ADGRG3: variants seen among roughly 807,000 people sequenced by gnomAD.
The protein encoded by ADGRG3 is G protein-coupled receptor 97.
ADGRG3 carries 39 observed loss-of-function variants against 54.3 expected under a neutral mutation model. The ratio of observed to expected loss-of-function variants is 0.72; its 90% CI spans 0.56 to 0.94. The LOEUF is 0.94. Ranked by LOEUF, ADGRG3 falls within the 40% of genes least tolerant of loss-of-function variation. The pLI is 0.00. For synonymous variants in ADGRG3, 312 were observed against 290.0 expected (o/e 1.08, Z -0.77); for missense variants, 654 against 694.6 (o/e 0.94, Z 0.66).
In ADGRG3 at chr16:57,676,302, T is replaced by G. The variant is rs536212021; in HGVS notation, c.309T>G (p.Thr103=). 3 of 1,614,094 alleles carry G rather than the reference T, an allele frequency of 1.9e-6. No homozygotes were observed. The highest frequency in any genetic ancestry group is 1.3e-5 in the African/African-American group (1 of 74,938). The change falls in exon 3 of 12, where the codon ACT becomes ACG. Residue 103 remains threonine, a synonymous_variant. Transcript: ENST00000333493. ...TGGTCCAGAACCTCAGCACCAACAC[T>G]GCAGAAGACTTCTATTTCTCTCTGG... ...KALVQNLSTN[T]AEDFYFSLEP... is the part of the protein sequence containing the mutation.
chr16:57,671,569 A>C (rs2148694292), intron 1 of ADGRG3, among the ~76,000 whole-genome samples: 1 of 152,198 alleles, frequency 6.6e-6, no homozygotes, highest in African/African-American at 2.4e-5. Flanking sequence ...TCCTGACCTC[A>C]GGTGATCCAC....
In ADGRG3 at chr16:57,680,584, T is replaced by C. The variant is rs1440054329; in HGVS notation, c.848T>C (p.Leu283Pro). 1.2e-6 allele frequency: 2 copies of C among 1,613,626 alleles called. No individual in the cohort carries two copies. Among genetic ancestry groups the C allele is most frequent in the African/African-American group, 1.3e-5 (1 of 74,878 alleles). ...QAGCGVSMIFLAFTIILYAFL... is the reference protein window; with the variant it reads ...QAGCGVSMIFPAFTIILYAFL... ...GGCTGTGGGGTCTCCATGATCTTCC[T>C]GGCCTTCACCATTATTCTTTATGCC... The change falls in exon 8 of 12, where the codon CTG becomes CCG. Residue 283 changes from leucine to proline, a missense_variant. Coordinates refer to ENST00000333493, the MANE Select transcript of ADGRG3 (RefSeq NM_170776.5).
At chr16:57,670,554 GTCT>G (rs2048136269) in intron 1 of ADGRG3, among the ~76,000 whole-genome samples, 1 of 150,852 alleles carries the variant, frequency 6.6e-6, no homozygotes, top group African/African-American at 2.4e-5. Context: ...CCCTGTTTCT[GTCT>G]TCTTCCTCCT....
chr16:57,676,336 C>T lies in ADGRG3; in HGVS notation c.343C>T (p.Gln115Ter), dbSNP rs1597762340. Residue 115 changes from glutamine (Q) to a stop codon, truncating the protein, a stop_gained and splice_region_variant, in exon 3 of 12, where the codon CAG becomes TAG. Transcript: ENST00000333493. LOFTEE classifies it high-confidence loss of function. ...CTTCTATTTCTCTCTGGAGCCCTCT[C>T]AGGTGAAGAGCTCCCCAGCCCTCTT... ...EDFYFSLEPS[Q>*]VPRQVMKDED... 6.2e-7 allele frequency: 1 copy of T among 1,613,878 alleles called. No individual in the cohort carries two copies. The highest frequency in any genetic ancestry group is 1.3e-5 in the African/African-American group (1 of 74,940).
At chr16:57,673,548 C>A in intron 2 of ADGRG3, 80 bp downstream of exon 2, 1 of 1,311,240 alleles carries the variant, frequency 7.6e-7, no homozygotes, top group East Asian at 2.3e-5. Context: ...GGCCATCTTC[C>A]CCCATGGCCC....
At chr16:57,675,193 G>A (rs2048240289) in intron 2 of ADGRG3, among the ~76,000 whole-genome samples, 1 of 151,640 alleles carries the variant, frequency 6.6e-6, no homozygotes, top group East Asian at 1.9e-4. Context: ...TAAAATACAG[G>A]GGCCAGGCAC....
At chr16:57,685,320 G>A (rs2048453452) in intron 10 of ADGRG3, among the ~76,000 whole-genome samples, 1 of 152,242 alleles carries the variant, frequency 6.6e-6, no homozygotes, top group Non-Finnish European at 1.5e-5. Context: ...CATCCACAGA[G>A]CTGCCAGGTG....
rs1191966879 is a variant in ADGRG3 at position 57,668,326 on chromosome 16, G to A, written c.-22G>A. On this transcript the variant is annotated 5_prime_UTR_variant, in exon 1 of 12. Transcript: ENST00000333493. ...GGGCCAGACAGCCACAGAGCTCCTGGCGTGGGCAAGGCTGGCCAAGGATGG... is the reference window on the plus strand; with the variant it reads ...GGGCCAGACAGCCACAGAGCTCCTGACGTGGGCAAGGCTGGCCAAGGATGG... The A allele has an allele frequency of 3.2e-6, 5 of 1,556,804 alleles. No individual in the cohort carries two copies. In the South Asian group the frequency reaches 4.7e-5, roughly 15 times the overall value.
chr16:57,665,766 G>C (rs966344887), upstream of ADGRG3, among the ~76,000 whole-genome samples: 39 of 152,262 alleles, frequency 2.6e-4, no homozygotes, highest in African/African-American at 9.4e-4. Flanking sequence ...CCTTCTGCAG[G>C]CTCCTCCCTC....
In ADGRG3 at chr16:57,668,341, G is replaced by A. The variant is rs376617355; in HGVS notation, c.-7G>A. The A allele has an allele frequency of 6.4e-7, 1 of 1,566,752 alleles. No homozygotes were observed. The highest frequency in any genetic ancestry group is 8.6e-7 in the Non-Finnish European group (1 of 1,161,656). On this transcript the variant is annotated 5_prime_UTR_variant, in exon 1 of 12. Coordinates refer to ENST00000333493, the MANE Select transcript of ADGRG3 (RefSeq NM_170776.5). ...AGAGCTCCTGGCGTGGGCAAGGCTG[G>A]CCAAGGATGGCGACGCCCAGGGGCC...
chr16:57,684,088 C>T lies in ADGRG3; in HGVS notation c.1038C>T (p.His346=), dbSNP rs185596318. The T allele has an allele frequency of 3.7e-6, 6 of 1,614,124 alleles. No individual in the cohort carries two copies. The Admixed American group carries it at 5.0e-5, about 13-fold the overall frequency. ...AACWARGAVF[H]YFLLCAFTWM... is the part of the protein sequence containing the mutation. ...GCTGGGCCCGGGGGGCTGTCTTCCA[C>T]TACTTCCTGCTCTGTGCCTTCACCT... The change falls in exon 9 of 12, where the codon CAC becomes CAT. Residue 346 remains histidine (H), a synonymous_variant. Coordinates refer to ENST00000333493, the MANE Select transcript of ADGRG3 (RefSeq NM_170776.5).
At position 57,668,381 on chromosome 16, in the gene ADGRG3, C is replaced by G; in HGVS notation, c.34C>G (p.Leu12Val). 2 of 1,574,402 alleles carry G rather than the reference C, an allele frequency of 1.3e-6. No homozygotes were observed. The highest frequency in any genetic ancestry group is 1.7e-6 in the Non-Finnish European group (2 of 1,167,624). The change falls in exon 1 of 12, where the codon CTG (leucine) becomes GTG (valine). Residue 12 changes from leucine (L) to valine (V), a missense_variant. Physicochemically the swap from Leu to Val is conservative, Grantham distance 32. Transcript: ENST00000333493. ...GCCCAGGGGCCTGGGGGCCCTGCTC[C>G]TGCTCCTCCTGCTCCCGACCTCAGG... Reference protein sequence around the residue: ...ATPRGLGALLLLLLLPTSGQE... With the variant: ...ATPRGLGALLVLLLLPTSGQE...
chr16:57,678,116 G>A (rs2048295229), intron 3 of ADGRG3, 54 bp from the exon 4 acceptor site: 1 of 1,596,890 alleles, frequency 6.3e-7, no homozygotes, highest in African/African-American at 1.3e-5. Context: ...GGGAGTGGCA[G>A]GACTCGTGTT....
In ADGRG3 at chr16:57,685,855, G is replaced by A. The variant is rs2048463585; in HGVS notation, c.1469G>A (p.Trp490Ter). 6.2e-7 allele frequency: 1 copy of A among 1,613,128 alleles called. No homozygotes were observed. Among genetic ancestry groups the A allele is most frequent in the Non-Finnish European group, 8.5e-7 (1 of 1,179,072 alleles). The change falls in exon 11 of 12, where the codon TGG becomes TAG. Residue 490 changes from tryptophan (W) to a stop codon, truncating the protein, a stop_gained. Coordinates refer to ENST00000333493, the MANE Select transcript of ADGRG3 (RefSeq NM_170776.5). LOFTEE classifies it high-confidence loss of function. ...LGLSSLVGVT[W>*]GLAIFTPLGL... ...CTCTCGAGCCTGGTGGGTGTGACATGGGGGTTGGCCATCTTCACCCCGTTG... is the reference window on the plus strand; with the variant it reads ...CTCTCGAGCCTGGTGGGTGTGACATAGGGGTTGGCCATCTTCACCCCGTTG...
chr16:57,679,309 C>G lies in ADGRG3; in HGVS notation c.625C>G (p.Pro209Ala). Residue 209 changes from proline to alanine, a missense_variant and splice_region_variant, in exon 5 of 12, where the codon CCT becomes GCT. Coordinates refer to ENST00000333493, the MANE Select transcript of ADGRG3 (RefSeq NM_170776.5). ...EIVFSHQRPP[P>A]NMTLTCVFWD... ...CGTCTTCTCTCACCAGCGACCGCCC[C>G]CTGTGAGTCCCCTGCTCAGGCCTGG... is the stretch of plus-strand genomic sequence containing the variant. 6.2e-7 allele frequency: 1 copy of G among 1,613,746 alleles called. No individual in the cohort carries two copies. The highest frequency in any genetic ancestry group is 8.5e-7 in the Non-Finnish European group (1 of 1,179,886).
At chr16:57,668,131 G>A (rs1420570771), upstream of ADGRG3, 8 of 583,454 alleles carry the variant, frequency 1.4e-5, no homozygotes, top group African/African-American at 5.6e-5. Context: ...CTCTGCAGGT[G>A]GACCCAGGGT....
rs1567852074 is a variant in ADGRG3 at position 57,673,238 on chromosome 16, G to A, written c.59-83G>A. 3.7e-6 allele frequency: 5 copies of A among 1,361,518 alleles called. No homozygotes were observed. The East Asian group carries it at 1.2e-4, about 32-fold the overall frequency. 84.3% of individuals were successfully genotyped at this position (1,361,518 alleles called of 1,614,324 possible). A position where few individuals can be genotyped will look rare whatever the true frequency, so the allele number is the denominator to read the frequency against. ...ATTCTAGCCCAACCACCAGACTCTG[G>A]AGCCCCAGCTCCTTTCCCTGCTCCT... On this transcript the variant is annotated intron_variant, in intron 1 of 11. Coordinates refer to ENST00000333493, the MANE Select transcript of ADGRG3 (RefSeq NM_170776.5).
At chr16:57,674,371 A>G (rs1027047329) in intron 2 of ADGRG3, among the ~76,000 whole-genome samples, 6 of 152,198 alleles carry the variant, frequency 3.9e-5, no homozygotes, top group Non-Finnish European at 5.9e-5. Flanking sequence ...CATCTCCAAA[A>G]ATATCTCTGC....
intron 8 of ADGRG3, chr16:57,682,433 T>C: frequency 1.0e-6 from 1 of 972,334 alleles, no homozygotes; most frequent in Non-Finnish European, 1.2e-6. Flanking sequence ...ACCCAATCCA[T>C]CACAGACCAA....
Sources: allele counts gnomAD v4.1 joint callset (sites outside exome capture counted in the v4.1 genomes callset), GRCh38; gene constraint gnomAD v4.1.1; transcripts MANE v1.5; gene names NCBI Gene and HGNC (gene_info 2026-07-23, HGNC 2026-07-21).